ADAMTSL1: variants seen among roughly 807,000 people sequenced by gnomAD.
ADAMTSL1 encodes ADAMTS-like protein 1.
In ADAMTSL1, 126 loss-of-function variants were observed where a neutral mutation model predicts 201.8. The ratio of observed to expected loss-of-function variants is 0.62; its 90% CI spans 0.54 to 0.72. ADAMTSL1 has a LOEUF of 0.72. ADAMTSL1 is among the 30% of genes least tolerant of loss of function. The pLI is 0.00. For synonymous variants in ADAMTSL1, 1,121 were observed against 903.4 expected (o/e 1.24, Z -4.32); for missense variants, 2,679 against 2,277.8 (o/e 1.18, Z -3.59).
chr9:18,739,324 C>T (rs1014340430), intron 15 of ADAMTSL1, among the ~76,000 whole-genome samples: 1 of 152,170 alleles, frequency 6.6e-6, no homozygotes, highest in African/African-American at 2.4e-5. Flanking sequence ...CTGGGGCAGT[C>T]TGGTTCTTGA....
At chr9:18,661,740 G>A (rs941600012) in intron 8 of ADAMTSL1, among the ~76,000 whole-genome samples, 195 bp from the exon 9 acceptor site, 1 of 152,184 alleles carries the variant, frequency 6.6e-6, no homozygotes, top group Non-Finnish European at 1.5e-5. Flanking sequence ...TAAGATTTGA[G>A]TGGATTACTT....
At chr9:18,349,787 C>G (rs1835884208) in intron 2 of ADAMTSL1, among the ~76,000 whole-genome samples, 1 of 152,040 alleles carries the variant, frequency 6.6e-6, no homozygotes, top group South Asian at 2.1e-4. Flanking sequence ...GGACTGCAGA[C>G]AATGATCCTC....
intron 17 of ADAMTSL1, among the ~76,000 whole-genome samples, chr9:18,772,752 G>T (rs1471432514): frequency 6.6e-6 from 1 of 152,150 alleles, no homozygotes; most frequent in Non-Finnish European, 1.5e-5. Context: ...GAGAAGGAAA[G>T]GAAATGAAAG....
intron 1 of ADAMTSL1, among the ~76,000 whole-genome samples, chr9:18,138,350 C>G (rs1243024989): frequency 1.3e-5 from 2 of 152,036 alleles, no homozygotes; most frequent in East Asian, 3.9e-4. Context: ...AGATATCTCC[C>G]CAATTATCTC....
chr9:17,917,376 A>G (rs1482594567), intron 1 of ADAMTSL1, among the ~76,000 whole-genome samples: 2 of 152,066 alleles, frequency 1.3e-5, no homozygotes, highest in African/African-American at 2.4e-5. Flanking sequence ...GATGCTCTTT[A>G]TGTCTGAGGA....
At chr9:18,454,411 ACT>A (rs2131683021) in intron 2 of ADAMTSL1, among the ~76,000 whole-genome samples, 1 of 152,188 alleles carries the variant, frequency 6.6e-6, no homozygotes, top group East Asian at 1.9e-4. Flanking sequence ...CAGTCCACAG[ACT>A]CACATGCTAA....
chr9:18,035,808 G>C (rs1485837732), intron 1 of ADAMTSL1, among the ~76,000 whole-genome samples: 1 of 152,136 alleles, frequency 6.6e-6, no homozygotes, highest in Non-Finnish European at 1.5e-5. Flanking sequence ...TGATGCTGTA[G>C]TAGTAGGTGT....
intron 1 of ADAMTSL1, among the ~76,000 whole-genome samples, chr9:18,039,469 A>C (rs1287795940): frequency 2.0e-5 from 3 of 152,172 alleles, no homozygotes; most frequent in Non-Finnish European, 4.4e-5. Flanking sequence ...TGGTGGGCTC[A>C]AGAATTAGCA....
chr9:18,826,052 T>C lies in ADAMTSL1; in HGVS notation c.3935-232T>C, dbSNP rs1441320723. ...AAAAGGCAAAAGATCTGGAGACAAC[T>C]GAGATGTTTATCTTGTATCAACATT... On this transcript the variant is annotated intron_variant, in intron 21 of 28. Coordinates refer to ENST00000380548, the MANE Select transcript of ADAMTSL1 (RefSeq NM_001040272.6). 29 of 608,408 alleles carry C rather than the reference T, an allele frequency of 4.8e-5. No individual in the cohort carries two copies. In the East Asian group the frequency reaches 8.0e-4, roughly 17 times the overall value. 37.7% of individuals were successfully genotyped at this position (608,408 alleles called of 1,614,324 possible). A position where few individuals can be genotyped will look rare whatever the true frequency, so the allele number is the denominator to read the frequency against.
chr9:18,200,465 C>G (rs993019192), intron 2 of ADAMTSL1, among the ~76,000 whole-genome samples: 1 of 152,078 alleles, frequency 6.6e-6, no homozygotes, highest in African/African-American at 2.4e-5. Flanking sequence ...TTAAAAACTT[C>G]AGGCATCATT....
At chr9:18,456,425 C>A (rs528383668) in intron 2 of ADAMTSL1, among the ~76,000 whole-genome samples, 1 of 152,074 alleles carries the variant, frequency 6.6e-6, no homozygotes, top group African/African-American at 2.4e-5. Context: ...CTAGATTTTC[C>A]TTTTGGAATA....
intron 3 of ADAMTSL1, among the ~76,000 whole-genome samples, chr9:18,541,140 A>C (rs1820112770): frequency 6.6e-6 from 1 of 152,170 alleles, no homozygotes; most frequent in African/African-American, 2.4e-5. Context: ...CACTGATACA[A>C]CAAAATTGGG....
intron 1 of ADAMTSL1, among the ~76,000 whole-genome samples, chr9:18,047,464 A>G (rs767692951): frequency 2.0e-5 from 3 of 152,176 alleles, no homozygotes; most frequent in Non-Finnish European, 4.4e-5. Flanking sequence ...TGTCAATAAT[A>G]CCAAGGCTGA....
At chr9:17,927,811 C>G (rs934527416) in intron 1 of ADAMTSL1, among the ~76,000 whole-genome samples, 12 of 151,888 alleles carry the variant, frequency 7.9e-5, no homozygotes, top group Non-Finnish European at 1.6e-4. Flanking sequence ...CCTGGGGTGT[C>G]CTGGAGTGAA....
intron 23 of ADAMTSL1, among the ~76,000 whole-genome samples, chr9:18,867,906 G>A (rs920845939): frequency 3.3e-5 from 5 of 152,166 alleles, no homozygotes; most frequent in East Asian, 1.9e-4. Flanking sequence ...GATTACAGGC[G>A]TGAGCCACCA....
At chr9:18,487,062 T>C (rs1822034077) in intron 1 of ADAMTSL1, among the ~76,000 whole-genome samples, 1 of 152,222 alleles carries the variant, frequency 6.6e-6, no homozygotes, top group African/African-American at 2.4e-5. Flanking sequence ...TAAATGTATC[T>C]GCCCTGATTA....
At chr9:18,573,676 G>T (rs931027931) in intron 3 of ADAMTSL1, among the ~76,000 whole-genome samples, 2 of 152,124 alleles carry the variant, frequency 1.3e-5, no homozygotes, top group African/African-American at 4.8e-5. Flanking sequence ...ACTTTACTAG[G>T]TTCTACTTAT....
At chr9:18,180,731 A>G (rs902038165) in intron 2 of ADAMTSL1, among the ~76,000 whole-genome samples, 3 of 152,136 alleles carry the variant, frequency 2.0e-5, no homozygotes, top group African/African-American at 4.8e-5. Flanking sequence ...TACAGATTCA[A>G]TGCCATCCCC....
chr9:18,223,810 AT>A (rs200187218), intron 2 of ADAMTSL1, among the ~76,000 whole-genome samples: 2 of 151,000 alleles, frequency 1.3e-5, no homozygotes, highest in African/African-American at 2.4e-5. Context: ...GGGACCAGTG[AT>A]TTTTTTTTAA....
Sources: allele counts gnomAD v4.1 joint callset (sites outside exome capture counted in the v4.1 genomes callset), GRCh38; gene constraint gnomAD v4.1.1; transcripts MANE v1.5; gene names NCBI Gene and HGNC (gene_info 2026-07-23, HGNC 2026-07-21).